Variants in TECPR2 observed in about 807,000 individuals in gnomAD.
TECPR2 encodes tectonin beta-propeller repeat-containing protein 2.
TECPR2 carries 65 observed loss-of-function variants against 138.1 expected under a neutral mutation model. That is an observed-to-expected ratio of 0.47 (90% confidence interval 0.39 to 0.58). TECPR2 has a LOEUF of 0.58. TECPR2 is among the 20% of genes least tolerant of loss of function. The pLI, the probability that TECPR2 is intolerant of heterozygous loss-of-function variation, is 0.00. For missense variants in TECPR2, 1,553 were observed against 1,824.5 expected (o/e 0.85, Z 2.71); for synonymous variants, 746 against 749.8 (o/e 0.99, Z 0.08).
At chr14:102,472,978 A>C (rs1302193217) in intron 17 of TECPR2, among the ~76,000 whole-genome samples, 1 of 152,266 alleles carries the variant, frequency 6.6e-6, no homozygotes, top group Non-Finnish European at 1.5e-5. Context: ...GCCTTGTGCC[A>C]GGCTAATGCC....
chr14:102,405,267 C>T (rs575642401), intron 2 of TECPR2, among the ~76,000 whole-genome samples: 8 of 152,204 alleles, frequency 5.3e-5, no homozygotes, highest in Non-Finnish European at 1.0e-4. Context: ...CAAGGTTGCA[C>T]CATTGCACTC....
intron 17 of TECPR2, among the ~76,000 whole-genome samples, chr14:102,476,063 C>T (rs1805195307): frequency 6.6e-6 from 1 of 151,932 alleles, no homozygotes; most frequent in Non-Finnish European, 1.5e-5. Context: ...AAAAATTAGC[C>T]AAGCGTGGTG....
At chr14:102,450,694 G>A (rs1486856802) in intron 15 of TECPR2, 45 bp downstream of exon 15, 12 of 1,597,830 alleles carry the variant, frequency 7.5e-6, no homozygotes, top group South Asian at 2.2e-5. Context: ...GCACAGCTTG[G>A]CCATTGGAAA....
At chr14:102,445,308 G>C (rs1889942935) in intron 12 of TECPR2, among the ~76,000 whole-genome samples, 1 of 152,206 alleles carries the variant, frequency 6.6e-6, no homozygotes, top group Non-Finnish European at 1.5e-5. Flanking sequence ...CATCGGGGGA[G>C]TTTACAGTCA....
In TECPR2 at chr14:102,498,969, C is replaced by T. The variant is rs1248463387; in HGVS notation, c.*712C>T. 5.7e-6 allele frequency: 4 copies of T among 697,914 alleles called. No individual in the cohort carries two copies. In the East Asian group the frequency reaches 1.1e-4, roughly 19 times the overall value. The allele number at this position is 697,914 out of a possible 1,614,324, so 43.2% of individuals were successfully genotyped here. A position where few individuals can be genotyped will look rare whatever the true frequency, so the allele number is the denominator to read the frequency against. Reference sequence around the variant, plus strand: ...CCACACCACAGCACACCTCACCACACAACACACCACACCCCACACCGCACT... The same window carrying T: ...CCACACCACAGCACACCTCACCACATAACACACCACACCCCACACCGCACT... On this transcript the variant is annotated 3_prime_UTR_variant, in exon 20 of 20. Transcript: ENST00000359520.
In TECPR2 at chr14:102,498,718, C is replaced by T. The variant is rs1891360733; in HGVS notation, c.*461C>T. On this transcript the variant is annotated 3_prime_UTR_variant, in exon 20 of 20. Transcript: ENST00000359520. ...CAGCGCGGGATGTGCTCGGTGATGG[C>T]TTTGTCCCATCATAGGGGGGTGTCC... is the stretch of plus-strand genomic sequence containing the variant. 2.3e-6 allele frequency: 1 copy of T among 438,504 alleles called. No individual in the cohort carries two copies. Among genetic ancestry groups the T allele is most frequent in the Admixed American group, 2.7e-5 (1 of 36,914 alleles). The allele number at this position is 438,504 out of a possible 1,614,324, so 27.2% of individuals were successfully genotyped here.
intron 2 of TECPR2, among the ~76,000 whole-genome samples, chr14:102,404,878 C>A (rs191577043): frequency 1.3e-5 from 2 of 151,978 alleles, no homozygotes; most frequent in East Asian, 3.9e-4. Context: ...CTGGCCCAGT[C>A]AAGTGATTTT....
intron 5 of TECPR2, 25 bp from the exon 6 acceptor site, chr14:102,424,954 C>A: frequency 6.4e-7 from 1 of 1,553,610 alleles, no homozygotes; most frequent in South Asian, 1.2e-5. Context: ...GTTTTTTGTT[C>A]TTTCTTTCTT....
At chr14:102,377,468 C>T (rs189152133) in intron 2 of TECPR2, among the ~76,000 whole-genome samples, 194 of 152,262 alleles carry the variant, frequency 1.3e-3, no homozygotes, top group Non-Finnish European at 1.7e-3. Context: ...CCTAACATCA[C>T]TTTAAAAGAG....
At chr14:102,494,108 C>T (rs1157103265) in intron 17 of TECPR2, among the ~76,000 whole-genome samples, 4 of 152,202 alleles carry the variant, frequency 2.6e-5, no homozygotes, top group African/African-American at 9.7e-5. Context: ...GAGCCCCATC[C>T]AGCCCACTCA....
chr14:102,385,983 A>G (rs557686669), intron 2 of TECPR2, among the ~76,000 whole-genome samples: 1 of 152,188 alleles, frequency 6.6e-6, no homozygotes, highest in Admixed American at 6.6e-5. Context: ...TATTTCACCC[A>G]TACATGCATA....
intron 9 of TECPR2, among the ~76,000 whole-genome samples, chr14:102,437,717 C>T (rs1228169261): frequency 6.6e-6 from 1 of 152,144 alleles, no homozygotes; most frequent in Non-Finnish European, 1.5e-5. Context: ...AGAATAATAG[C>T]AGCTCCTTCG....
chr14:102,466,196 G>C (rs1595140492), intron 17 of TECPR2, among the ~76,000 whole-genome samples: 1 of 152,104 alleles, frequency 6.6e-6, no homozygotes, highest in Non-Finnish European at 1.5e-5. Flanking sequence ...GGAGTGTGGT[G>C]GTGGGAGAAC....
chr14:102,374,071 CAAAAAAAAAAAA>C (rs953998203), intron 1 of TECPR2, among the ~76,000 whole-genome samples: 3 of 56,078 alleles, frequency 5.3e-5, no homozygotes, highest in African/African-American at 1.2e-4. Context: ...GATTCTGTCT[CAAAAAAAAAAAA>C]AAAAAAGAAA....
chr14:102,487,421 CAT>C (rs1188078182), intron 17 of TECPR2, among the ~76,000 whole-genome samples: 2 of 152,208 alleles, frequency 1.3e-5, no homozygotes, highest in Non-Finnish European at 1.5e-5. Context: ...GACTGAGGAA[CAT>C]GTGTGAGTGT....
chr14:102,399,689 T>C (rs970352905), intron 2 of TECPR2, among the ~76,000 whole-genome samples: 2 of 151,806 alleles, frequency 1.3e-5, no homozygotes, highest in Non-Finnish European at 2.9e-5. Context: ...ATTACCTAAG[T>C]GTGGTGGCTT....
intron 16 of TECPR2, among the ~76,000 whole-genome samples, chr14:102,454,433 A>G (rs1567349627): frequency 1.3e-5 from 2 of 152,170 alleles, no homozygotes; most frequent in Admixed American, 6.5e-5. Context: ...TTGGGGACTG[A>G]AGGTTTGTCC....
chr14:102,478,498 T>C (rs897356697), intron 17 of TECPR2, among the ~76,000 whole-genome samples: 8 of 151,550 alleles, frequency 5.3e-5, no homozygotes, highest in African/African-American at 1.9e-4. Context: ...CTGGGTATTA[T>C]TGTGAAATCC....
At chr14:102,405,224 A>G in intron 2 of TECPR2, among the ~76,000 whole-genome samples, 1 of 152,086 alleles carries the variant, frequency 6.6e-6, no homozygotes, top group East Asian at 1.9e-4. Context: ...CATGAGAATC[A>G]CTTGAACCCG....
Sources: allele counts gnomAD v4.1 joint callset (sites outside exome capture counted in the v4.1 genomes callset), GRCh38; gene constraint gnomAD v4.1.1; transcripts MANE v1.5; gene names NCBI Gene and HGNC (gene_info 2026-07-23, HGNC 2026-07-21).